CCDC102B: variants seen among roughly 807,000 people sequenced by gnomAD.
CCDC102B encodes coiled-coil domain containing 102B, also known as coiled-coil domain-containing protein 102B.
CCDC102B carries 75 observed loss-of-function variants against 57.4 expected under a neutral mutation model. The ratio of observed to expected loss-of-function variants is 1.31; its 90% confidence interval spans 1.08 to 1.58. The LOEUF is 1.58. Ranked by LOEUF, CCDC102B falls within the 40% of genes most tolerant of loss-of-function variation. The pLI, the probability that CCDC102B is intolerant of heterozygous loss-of-function variation, is 0.00. For missense variants in CCDC102B, 636 were observed against 582.6 expected (o/e 1.09, Z -0.94); for synonymous variants, 206 against 201.9 (o/e 1.02, Z -0.17).
chr18:68,936,764 C>T (rs12454924), intron 6 of CCDC102B, among the ~76,000 whole-genome samples: 40,861 of 148,976 alleles, frequency 0.27, 6,606 homozygotes, highest in African/African-American at 0.44. Context: ...TATATATATA[C>T]ACACATACAT....
intron 2 of CCDC102B, among the ~76,000 whole-genome samples, chr18:68,725,152 G>T (rs1415877457): frequency 6.6e-6 from 1 of 152,172 alleles, no homozygotes; most frequent in Non-Finnish European, 1.5e-5. Flanking sequence ...TTGCTTTCAT[G>T]ATTCAGTTAT....
chr18:68,857,821 A>G (rs1020901769), intron 4 of CCDC102B, among the ~76,000 whole-genome samples: 2 of 152,166 alleles, frequency 1.3e-5, no homozygotes, highest in African/African-American at 2.4e-5. Context: ...TTATTTTCCT[A>G]ATGGTGCACA....
At chr18:68,980,844 A>G (rs2050560537) in intron 6 of CCDC102B, among the ~76,000 whole-genome samples, 1 of 152,042 alleles carries the variant, frequency 6.6e-6, no homozygotes, top group South Asian at 2.1e-4. Flanking sequence ...AACGTGTAGG[A>G]CATCGTATGG....
At chr18:69,011,477 A>G (rs1247438335) in intron 7 of CCDC102B, among the ~76,000 whole-genome samples, 1 of 151,770 alleles carries the variant, frequency 6.6e-6, no homozygotes, top group African/African-American at 2.4e-5. Context: ...ATATCTTATT[A>G]TTTATTATAT....
At chr18:68,883,006 G>A (rs1218023174) in intron 5 of CCDC102B, among the ~76,000 whole-genome samples, 1 of 152,102 alleles carries the variant, frequency 6.6e-6, no homozygotes, top group Non-Finnish European at 1.5e-5. Flanking sequence ...AGAGGATCAG[G>A]AAAAAACAAC....
chr18:68,858,573 T>TTC (rs2038589420), intron 4 of CCDC102B, among the ~76,000 whole-genome samples: 1 of 152,190 alleles, frequency 6.6e-6, no homozygotes, highest in African/African-American at 2.4e-5. Context: ...AGTCATTGAG[T>TTC]TCTCACTAGG....
At chr18:68,728,969 G>C (rs925371518) in intron 2 of CCDC102B, among the ~76,000 whole-genome samples, 5 of 151,868 alleles carry the variant, frequency 3.3e-5, no homozygotes, top group Non-Finnish European at 7.4e-5. Flanking sequence ...TATTCTGCGG[G>C]AGTAAATTTA....
At chr18:68,826,280 T>G (rs1291887552) in intron 1 of CCDC102B, among the ~76,000 whole-genome samples, 1 of 152,196 alleles carries the variant, frequency 6.6e-6, no homozygotes, top group Non-Finnish European at 1.5e-5. Flanking sequence ...AGACACAACT[T>G]GGGGTAGATC....
chr18:69,023,258 T>C (rs1224111746), intron 7 of CCDC102B, among the ~76,000 whole-genome samples: 6 of 152,120 alleles, frequency 3.9e-5, no homozygotes, highest in Non-Finnish European at 1.5e-5. Flanking sequence ...AAGTGAATAA[T>C]GATCTGTAAG....
At position 69,009,924 on chromosome 18, in the gene CCDC102B, ATTTTTTT is replaced by A. The variant is rs770668683; in HGVS notation, c.1264-991_1264-985del. On this transcript the variant is annotated intron_variant, in intron 6 of 7. Transcript: ENST00000360242. ...CTTTTTCTTTATAGTTTTAATAAAG[ATTTTTTT>A]TTTTTTTTTTTTTTTTTTGAGACGG... 1.7e-3 allele frequency among the ~76,000 whole-genome samples: 58 copies of A among 33,530 alleles called. 3 individuals are homozygous for A. Among genetic ancestry groups the A allele is most frequent in the African/African-American group, 3.5e-3 (42 of 12,060 alleles). The allele number at this position is 33,530 out of a possible 152,430, so 22.0% of individuals were successfully genotyped here.
At chr18:68,949,264 GAC>G (rs1396960256) in intron 6 of CCDC102B, among the ~76,000 whole-genome samples, 6 of 152,004 alleles carry the variant, frequency 3.9e-5, no homozygotes, top group Non-Finnish European at 5.9e-5. Flanking sequence ...CAATCAAGTT[GAC>G]ACTCAATATT....
chr18:68,934,462 A>T (rs1276111167), intron 6 of CCDC102B, among the ~76,000 whole-genome samples: 1 of 152,016 alleles, frequency 6.6e-6, no homozygotes, highest in Non-Finnish European at 1.5e-5. Context: ...GAAATAACAC[A>T]GGTCTACAAT....
chr18:68,730,036 C>T (rs1298492054), intron 2 of CCDC102B, among the ~76,000 whole-genome samples: 3 of 152,286 alleles, frequency 2.0e-5, no homozygotes, highest in East Asian at 1.9e-4. Flanking sequence ...ACCTCATTGA[C>T]GTACCATTGA....
chr18:68,888,102 A>G (rs1568312260), intron 5 of CCDC102B, among the ~76,000 whole-genome samples: 1 of 152,210 alleles, frequency 6.6e-6, no homozygotes, highest in Non-Finnish European at 1.5e-5. Flanking sequence ...GATAAAAGAT[A>G]GTGTTGATTT....
At chr18:68,846,477 G>A in intron 4 of CCDC102B, 56 bp downstream of exon 4, 2 of 1,174,562 alleles carry the variant, frequency 1.7e-6, no homozygotes, top group South Asian at 1.5e-5. Context: ...TCTTTCTTTG[G>A]ATATGTAAGC....
At chr18:68,811,256 T>A (rs934079836) in intron 1 of CCDC102B, among the ~76,000 whole-genome samples, 2 of 152,214 alleles carry the variant, frequency 1.3e-5, no homozygotes, top group African/African-American at 4.8e-5. Context: ...TGGTTCTACA[T>A]CCTTTAGGTA....
At chr18:68,942,006 C>A (rs564592495) in intron 6 of CCDC102B, among the ~76,000 whole-genome samples, 2 of 151,852 alleles carry the variant, frequency 1.3e-5, no homozygotes, top group Non-Finnish European at 2.9e-5. Flanking sequence ...TTATTGTGCT[C>A]GTCAACTCGT....
chr18:68,723,373 C>T (rs1430764043), intron 2 of CCDC102B, among the ~76,000 whole-genome samples: 1 of 152,166 alleles, frequency 6.6e-6, no homozygotes, highest in Admixed American at 6.5e-5. Flanking sequence ...GCCTTTCCCA[C>T]AGCCCCCTAC....
chr18:68,732,751 A>G (rs1450788334), intron 2 of CCDC102B, among the ~76,000 whole-genome samples: 9 of 152,128 alleles, frequency 5.9e-5, no homozygotes, highest in Admixed American at 5.9e-4. Flanking sequence ...AAGGTTTTCC[A>G]GTTTTCTCTT....
Sources: allele counts gnomAD v4.1 joint callset (sites outside exome capture counted in the v4.1 genomes callset), GRCh38; gene constraint gnomAD v4.1.1; transcripts MANE v1.5; gene names NCBI Gene and HGNC (gene_info 2026-07-23, HGNC 2026-07-21).